The following ADAMTS17 variants were observed in gnomAD, a reference collection of about 807,000 sequenced individuals.
ADAMTS17 encodes A disintegrin and metalloproteinase with thrombospondin motifs 17.
A neutral mutation model predicts 141.5 loss-of-function variants in ADAMTS17; 113 were observed. The ratio of observed to expected loss-of-function variants is 0.80; its 90% confidence interval spans 0.69 to 0.93. ADAMTS17 has a LOEUF of 0.93. Among genes scored for constraint, ADAMTS17 ranks in the 40% least tolerant of loss-of-function variants. ADAMTS17 has a pLI of 0.00. For synonymous variants in ADAMTS17, 768 were observed against 630.6 expected (o/e 1.22, Z -3.27); for missense variants, 1,659 against 1,517.9 (o/e 1.09, Z -1.54).
intron 7 of ADAMTS17, among the ~76,000 whole-genome samples, chr15:100,218,872 T>C (rs764431194): frequency 2.0e-5 from 3 of 151,680 alleles, no homozygotes; most frequent in Non-Finnish European, 4.4e-5. Flanking sequence ...CACGTCCACC[T>C]GAACACGCAA....
At chr15:100,001,366 T>C (rs1413763419) in intron 18 of ADAMTS17, among the ~76,000 whole-genome samples, 5 of 152,034 alleles carry the variant, frequency 3.3e-5, no homozygotes, top group Admixed American at 6.5e-5. Context: ...TTTTTTTTTT[T>C]TTTAAAGAAG....
intron 20 of ADAMTS17, among the ~76,000 whole-genome samples, chr15:99,984,223 C>T (rs1229484879): frequency 1.3e-5 from 2 of 152,290 alleles, no homozygotes; most frequent in South Asian, 4.1e-4. Context: ...CTGCAGGGGC[C>T]GGGTCGCCTC....
At chr15:100,032,370 T>G (rs1054938538) in intron 18 of ADAMTS17, among the ~76,000 whole-genome samples, 1 of 152,204 alleles carries the variant, frequency 6.6e-6, no homozygotes, top group Non-Finnish European at 1.5e-5. Context: ...GAACCCCTTA[T>G]GTTAGATATG....
At chr15:100,040,594 A>G in intron 18 of ADAMTS17, among the ~76,000 whole-genome samples, 1 of 152,048 alleles carries the variant, frequency 6.6e-6, no homozygotes, top group Non-Finnish European at 1.5e-5. Flanking sequence ...ATTTCCCAAC[A>G]GGAGAAATCC....
At chr15:100,147,798 G>A (rs1468249121) in intron 10 of ADAMTS17, among the ~76,000 whole-genome samples, 1 of 152,202 alleles carries the variant, frequency 6.6e-6, no homozygotes, top group Non-Finnish European at 1.5e-5. Flanking sequence ...ATCTGTATTA[G>A]TTTCCTATTG....
At chr15:100,249,098 C>A (rs113024241) in intron 7 of ADAMTS17, among the ~76,000 whole-genome samples, 55 of 152,256 alleles carry the variant, frequency 3.6e-4, no homozygotes, top group African/African-American at 1.2e-3. Flanking sequence ...CACGCCTGGA[C>A]CTGGTGTGAC....
intron 15 of ADAMTS17, among the ~76,000 whole-genome samples, chr15:100,057,499 C>T (rs1356836658): frequency 1.3e-5 from 2 of 152,198 alleles, no homozygotes. Flanking sequence ...CTGCCAGTGA[C>T]AGACTCCAAC....
intron 18 of ADAMTS17, among the ~76,000 whole-genome samples, chr15:100,044,874 C>T (rs1040770700): frequency 1.3e-5 from 2 of 149,902 alleles, no homozygotes; most frequent in Non-Finnish European, 3.0e-5. Flanking sequence ...GTGGCGTGAT[C>T]TCAGCTCACT....
chr15:100,011,156 C>A (rs1789395039), intron 18 of ADAMTS17, among the ~76,000 whole-genome samples: 1 of 150,128 alleles, frequency 6.7e-6, no homozygotes, highest in Non-Finnish European at 1.5e-5. Flanking sequence ...TTAGTTCAAC[C>A]CCAAGAATCG....
At chr15:99,980,257 GTTGCAGTTAGCTGAGA>G (rs939630840) in intron 20 of ADAMTS17, 2 of 152,248 alleles carry the variant, frequency 1.3e-5, no homozygotes, top group Non-Finnish European at 2.9e-5. Context: ...GGAGGCAGAG[GTTGCAGTTAGCTGAGA>G]TTGCACCACT....
chr15:100,055,999 C>A (rs2032535578), intron 15 of ADAMTS17, among the ~76,000 whole-genome samples: 1 of 152,210 alleles, frequency 6.6e-6, no homozygotes, highest in African/African-American at 2.4e-5. Flanking sequence ...ATTCCCATTT[C>A]TTTAGCATCA....
At chr15:100,028,877 CT>C (rs1346120435) in intron 18 of ADAMTS17, among the ~76,000 whole-genome samples, 2 of 152,230 alleles carry the variant, frequency 1.3e-5, no homozygotes, top group African/African-American at 4.8e-5. Flanking sequence ...TGCACTTTGC[CT>C]TTTGTCACTT....
chr15:100,159,160 A>G (rs114749361), intron 8 of ADAMTS17, among the ~76,000 whole-genome samples: 283 of 152,364 alleles, frequency 1.9e-3, no homozygotes, highest in African/African-American at 6.5e-3. Flanking sequence ...TCTCCAAGAG[A>G]CATCACTCCC....
At chr15:100,083,882 A>G (rs141856933) in intron 15 of ADAMTS17, among the ~76,000 whole-genome samples, 4,458 of 151,858 alleles carry the variant, frequency 0.029, 215 homozygotes, top group African/African-American at 0.1. Context: ...ATGACCAAAT[A>G]GGAACAGCTC....
At chr15:100,214,055 T>G (rs934381048) in intron 7 of ADAMTS17, among the ~76,000 whole-genome samples, 1 of 152,182 alleles carries the variant, frequency 6.6e-6, no homozygotes, top group East Asian at 1.9e-4. Context: ...GTTGTTTTTG[T>G]TTTTTGTTTG....
intron 18 of ADAMTS17, among the ~76,000 whole-genome samples, chr15:100,023,671 C>T (rs2061447167): frequency 6.6e-6 from 1 of 152,188 alleles, no homozygotes; most frequent in Non-Finnish European, 1.5e-5. Flanking sequence ...CCTATCTCTT[C>T]TGAAAGTCAG....
intron 8 of ADAMTS17, among the ~76,000 whole-genome samples, chr15:100,196,007 TA>T (rs1180343932): frequency 3.3e-5 from 5 of 152,206 alleles, no homozygotes; most frequent in Non-Finnish European, 5.9e-5. Flanking sequence ...AATGGCGTGA[TA>T]AACACACAGC....
chr15:100,019,999 G>GGAA (rs1555531796), intron 18 of ADAMTS17, among the ~76,000 whole-genome samples: 7 of 150,764 alleles, frequency 4.6e-5, no homozygotes, highest in South Asian at 2.1e-4. Flanking sequence ...CTAAGATTTG[G>GGAA]AAAAAAAAGA....
In ADAMTS17 at chr15:100,148,555, T is replaced by C. The variant is rs113238388; in HGVS notation, c.1473+4057A>G. Among the ~76,000 whole-genome samples the C allele has an allele frequency of 1.6e-4, 24 of 152,196 alleles. 1 individual carries two copies. The highest frequency in any genetic ancestry group is 5.8e-4 in the African/African-American group (24 of 41,526). The stretch of plus-strand genomic sequence containing the variant: ...TTTAGTACTTTACAATGTTTCTCTG[T>C]TGTCCTTTCACTTACACTGCTTCTA... On this transcript the variant is annotated intron_variant, in intron 10 of 21. Transcript: ENST00000268070.
Sources: allele counts gnomAD v4.1 joint callset (sites outside exome capture counted in the v4.1 genomes callset), GRCh38; gene constraint gnomAD v4.1.1; transcripts MANE v1.5; gene names NCBI Gene and HGNC (gene_info 2026-07-23, HGNC 2026-07-21).